Variants in KCTD1 observed in about 807,000 individuals in gnomAD.
The protein encoded by KCTD1 is BTB/POZ domain-containing protein KCTD1.
KCTD1 carries 24 observed loss-of-function variants against 66.0 expected under a neutral mutation model. The ratio of observed to expected loss-of-function variants is 0.36; its 90% CI spans 0.26 to 0.51. KCTD1 has a LOEUF of 0.51. Ranked by LOEUF, KCTD1 falls within the 20% of genes least tolerant of loss-of-function variation. The pLI, the probability that KCTD1 is intolerant of heterozygous loss-of-function variation, is 0.95. For synonymous variants in KCTD1, 511 were observed against 517.2 expected (o/e 0.99, Z 0.16); for missense variants, 943 against 1,205.2 (o/e 0.78, Z 3.22).
chr18:26,645,424 A>G (rs1987911380), intron 1 of KCTD1, among the ~76,000 whole-genome samples: 1 of 152,078 alleles, frequency 6.6e-6, no homozygotes, highest in African/African-American at 2.4e-5. Context: ...TCTCTTTGAG[A>G]CAGGGTCTCG....
At position 26,547,890 on chromosome 18, in the gene KCTD1, C is replaced by T; in HGVS notation, c.647G>A (p.Arg216His). 1 of 1,543,364 alleles carries T rather than the reference C, an allele frequency of 6.5e-7. No homozygotes were observed. The highest frequency in any genetic ancestry group is 8.7e-7 in the Non-Finnish European group (1 of 1,146,832). ...GCTGTAGAGCTGGCCGCTTTTGGAG[C>T]GGGCCTCGGCATAGAAGGAGCGCAG... is the stretch of plus-strand genomic sequence containing the variant. ...RVLRSFYAEA[R>H]SKSGQLYSKS... Residue 216 changes from arginine (R) to histidine (H), a missense_variant, in exon 1 of 5, where the codon CGC becomes CAC. By Grantham distance (29) the Arg-to-His change is conservative. Transcript: ENST00000580059.
intron 2 of KCTD1, among the ~76,000 whole-genome samples, chr18:26,485,554 A>G (rs2144631400): frequency 6.6e-6 from 1 of 152,358 alleles, no homozygotes; most frequent in East Asian, 1.9e-4. Flanking sequence ...TTGTTTAAAC[A>G]TGATTTCTAG....
intron 2 of KCTD1, among the ~76,000 whole-genome samples, chr18:26,479,750 C>T (rs1981537842): frequency 6.6e-6 from 1 of 152,186 alleles, no homozygotes; most frequent in Admixed American, 6.5e-5. Flanking sequence ...GTGGAGGGGG[C>T]ACGTGGTGCC....
chr18:26,618,804 A>G (rs1309379906), intron 1 of KCTD1, among the ~76,000 whole-genome samples: 1 of 152,240 alleles, frequency 6.6e-6, no homozygotes, highest in Non-Finnish European at 1.5e-5. Context: ...CTAGAATTAA[A>G]GTAGCTGTGT....
chr18:26,476,905 T>C lies in KCTD1; in HGVS notation c.1989-246A>G. 1 of 430,236 alleles carries C rather than the reference T, an allele frequency of 2.3e-6. No homozygotes were observed. Among genetic ancestry groups the C allele is most frequent in the Non-Finnish European group, 4.1e-6 (1 of 245,446 alleles). The allele number at this position is 430,236 out of a possible 1,614,324, so 26.7% of individuals were successfully genotyped here. ...TGTCTTTCACCTGCAAAGAAAATGT[T>C]CCTGACATGGTGATTACGGCTAAGT... On this transcript the variant is annotated intron_variant, in intron 2 of 4. Transcript: ENST00000580059. This position sits in a 1 kb window ranked among gnomAD's most constrained non-coding sequence, Gnocchi z 4.9.
chr18:26,570,192 ATAT>A (rs1383134218), intron 1 of KCTD1, among the ~76,000 whole-genome samples: 4 of 88,056 alleles, frequency 4.5e-5, no homozygotes, highest in African/African-American at 1.1e-4. Flanking sequence ...TCTAAAAAAA[ATAT>A]ATATATATAT....
chr18:26,504,752 A>C (rs74980497), intron 1 of KCTD1, among the ~76,000 whole-genome samples: 4 of 152,186 alleles, frequency 2.6e-5, no homozygotes, highest in African/African-American at 9.7e-5. Context: ...TGTATTAGAC[A>C]CTGAAGTTGA....
intron 2 of KCTD1, among the ~76,000 whole-genome samples, chr18:26,488,912 G>A (rs1262771868): frequency 6.6e-6 from 1 of 152,114 alleles, no homozygotes; most frequent in East Asian, 1.9e-4. Flanking sequence ...ATAAAATTGT[G>A]GCACTGAAAC....
intron 1 of KCTD1, among the ~76,000 whole-genome samples, chr18:26,528,763 C>T (rs1984292456): frequency 6.6e-6 from 1 of 152,212 alleles, no homozygotes; most frequent in Non-Finnish European, 1.5e-5. Flanking sequence ...CTTGAAATCT[C>T]AGCTGCATTG....
chr18:26,481,529 G>C (rs531963304), intron 2 of KCTD1, among the ~76,000 whole-genome samples: 1 of 152,168 alleles, frequency 6.6e-6, no homozygotes, highest in Non-Finnish European at 1.5e-5. Context: ...CATGTGAGCC[G>C]GGTCAAGGAG....
intron 1 of KCTD1, among the ~76,000 whole-genome samples, chr18:26,647,333 C>CCCA (rs1568020041): frequency 8.9e-6 from 1 of 112,258 alleles, no homozygotes; most frequent in African/African-American, 2.7e-5. Flanking sequence ...ATAGTGAAAC[C>CCCA]CCCCCCCCAT....
chr18:26,555,328 T>C (rs1985680915), intron 1 of KCTD1, among the ~76,000 whole-genome samples: 1 of 152,168 alleles, frequency 6.6e-6, no homozygotes, highest in Non-Finnish European at 1.5e-5. Context: ...AATATCCTTT[T>C]ACAGGAAAAT....
At chr18:26,613,197 A>G (rs1987174659) in intron 1 of KCTD1, among the ~76,000 whole-genome samples, 1 of 152,222 alleles carries the variant, frequency 6.6e-6, no homozygotes, top group African/African-American at 2.4e-5. Context: ...TGAAAAATCA[A>G]TGGATGTGAA....
At chr18:26,535,972 A>C (rs201164223) in intron 1 of KCTD1, among the ~76,000 whole-genome samples, 4 of 1,474 alleles carry the variant, frequency 2.7e-3, no homozygotes, top group African/African-American at 3.8e-3. Context: ...TGATTCCTCC[A>C]AAAAAAAAAA....
At chr18:26,589,172 A>G (rs1045568488) in intron 1 of KCTD1, among the ~76,000 whole-genome samples, 1 of 152,192 alleles carries the variant, frequency 6.6e-6, no homozygotes, top group Admixed American at 6.5e-5. Context: ...GGGGGAGGAC[A>G]GGATGGTAAC....
At chr18:26,622,409 C>T (rs1987405853) in intron 1 of KCTD1, among the ~76,000 whole-genome samples, 1 of 152,164 alleles carries the variant, frequency 6.6e-6, no homozygotes, top group Middle Eastern at 3.2e-3. Context: ...ACATCAAAGT[C>T]ATTTCTCCTC....
rs1567988529 is a variant in KCTD1, at chr18:26,546,994, T to C, written c.1543A>G (p.Ile515Val). Residue 515 changes from isoleucine to valine, a missense_variant, in exon 1 of 5, where the codon ATC becomes GTC. By Grantham distance (29) the Ile-to-Val change is conservative (BLOSUM62 3). Coordinates refer to ENST00000580059, the MANE Select transcript of KCTD1 (RefSeq NM_001142730.3). Reference sequence around the variant, plus strand: ...CCGACCTGGCTGTCTTTGGGGAGGATGTAAGTGTTCCCCAGCGAGGGCGGC... The same window carrying C: ...CCGACCTGGCTGTCTTTGGGGAGGACGTAAGTGTTCCCCAGCGAGGGCGGC... ...PQPPSLGNTY[I>V]LPKDSQVGPD... is the part of the protein sequence containing the mutation. 5 of 1,453,424 alleles carry C rather than the reference T, an allele frequency of 3.4e-6. No individual in the cohort carries two copies. In the East Asian group the frequency reaches 8.0e-5, roughly 23 times the overall value. 90.0% of individuals were successfully genotyped at this position (1,453,424 alleles called of 1,614,324 possible). A position where few individuals can be genotyped will look rare whatever the true frequency, so the allele number is the denominator to read the frequency against.
chr18:26,508,055 T>C (rs1415606014), intron 1 of KCTD1, among the ~76,000 whole-genome samples: 1 of 152,234 alleles, frequency 6.6e-6, no homozygotes, highest in Non-Finnish European at 1.5e-5. Context: ...TACTTAAATT[T>C]CTGTGAAATA....
intron 1 of KCTD1, chr18:26,655,689 C>T (rs1390871977): frequency 6.6e-6 from 1 of 152,244 alleles, no homozygotes; most frequent in Non-Finnish European, 1.5e-5. Flanking sequence ...CCAGCCGAAC[C>T]CCGAAGCACA....
Sources: gnomAD v4.1 joint callset for allele counts (sites outside exome capture counted in the v4.1 genomes callset) on GRCh38, gnomAD v4.1.1 for gene constraint, Gnocchi (gnomAD v3.1) non-coding constraint, MANE v1.5 for transcripts, NCBI Gene and HGNC (gene_info 2026-07-23, HGNC 2026-07-21) for gene names.